The following SCPEP1 variants were observed in gnomAD, a reference collection of about 807,000 sequenced individuals.
SCPEP1 encodes the protein retinoid-inducible serine carboxypeptidase.
SCPEP1 carries 51 observed loss-of-function variants against 63.8 expected under a neutral mutation model. The ratio of observed to expected loss-of-function variants is 0.80; its 90% confidence interval spans 0.64 to 1.01. The LOEUF (loss-of-function observed/expected upper bound fraction) is 1.01. Among genes scored for constraint, SCPEP1 ranks in the 50% least tolerant of loss-of-function variants. SCPEP1 has a pLI of 0.00. For missense variants in SCPEP1, 499 were observed against 554.9 expected (o/e 0.90, Z 1.01); for synonymous variants, 204 against 207.8 (o/e 0.98, Z 0.16).
chr17:56,979,512 G>C (rs1277620125), intron 1 of SCPEP1, among the ~76,000 whole-genome samples: 1 of 150,544 alleles, frequency 6.6e-6, no homozygotes, highest in East Asian at 1.9e-4. Context: ...AAAAAAAAAA[G>C]ATGCTATAAC....
intron 12 of SCPEP1, among the ~76,000 whole-genome samples, chr17:57,004,900 C>A (rs1567871384): frequency 6.6e-6 from 1 of 152,174 alleles, no homozygotes; most frequent in Non-Finnish European, 1.5e-5. Flanking sequence ...ATAAGTACTT[C>A]ACAGTAAGAA....
intron 1 of SCPEP1, among the ~76,000 whole-genome samples, chr17:56,978,927 G>T (rs1457183673): frequency 1.3e-5 from 2 of 152,140 alleles, no homozygotes; most frequent in African/African-American, 4.8e-5. Flanking sequence ...AAAATAAGTA[G>T]CTCTGCCAAT....
intron 6 of SCPEP1, among the ~76,000 whole-genome samples, chr17:56,993,999 G>A (rs115772372): frequency 2.9e-4 from 44 of 152,314 alleles, no homozygotes; most frequent in African/African-American, 9.6e-4. Flanking sequence ...GCTAGGCCAC[G>A]GAAGTCCTGG....
At chr17:56,979,658 AAC>A (rs1163079603) in intron 1 of SCPEP1, among the ~76,000 whole-genome samples, 9 of 152,240 alleles carry the variant, frequency 5.9e-5, no homozygotes, top group African/African-American at 2.2e-4. Flanking sequence ...ACGTATATTA[AAC>A]ACACATACAC....
chr17:56,989,673 G>A (rs1041547432), intron 5 of SCPEP1, among the ~76,000 whole-genome samples: 5 of 152,150 alleles, frequency 3.3e-5, no homozygotes, highest in East Asian at 3.9e-4. Flanking sequence ...CCAGGCGGGC[G>A]CGGTGGCTCA....
intron 8 of SCPEP1, 99 bp downstream of exon 8, chr17:56,995,734 C>T: frequency 7.8e-7 from 1 of 1,290,258 alleles, no homozygotes; most frequent in Non-Finnish European, 1.1e-6. Flanking sequence ...TACACTGAGG[C>T]TCCCCACATA....
chr17:56,996,496 C>T (rs576664698), intron 8 of SCPEP1, among the ~76,000 whole-genome samples: 4 of 150,016 alleles, frequency 2.7e-5, no homozygotes, highest in Non-Finnish European at 5.9e-5. Flanking sequence ...TGAGCCACCG[C>T]GCCTGGCCTC....
At chr17:56,980,788 C>CAAAAAAAAAAAAAAAAAAA in intron 1 of SCPEP1, among the ~76,000 whole-genome samples, 1 of 77,140 alleles carries the variant, frequency 1.3e-5, no homozygotes, top group Non-Finnish European at 2.5e-5. Flanking sequence ...GACTTCGTAT[C>CAAAAAAAAAAAAAAAAAAA]AAAAAAAAAA....
At chr17:57,005,850 G>GAACA (rs1467398663) in intron 12 of SCPEP1, among the ~76,000 whole-genome samples, 8 of 152,074 alleles carry the variant, frequency 5.3e-5, no homozygotes, top group Admixed American at 4.6e-4. Flanking sequence ...CTTCTTCCTT[G>GAACA]AACAGGCTAG....
intron 3 of SCPEP1, among the ~76,000 whole-genome samples, chr17:56,986,342 C>T (rs1170964662): frequency 6.6e-6 from 1 of 152,038 alleles, no homozygotes; most frequent in Admixed American, 6.5e-5. Flanking sequence ...GCCTCAGCCT[C>T]CCGAGTAGCT....
chr17:57,004,187 C>T (rs1417583044), intron 12 of SCPEP1, among the ~76,000 whole-genome samples: 1 of 152,214 alleles, frequency 6.6e-6, no homozygotes, highest in East Asian at 1.9e-4. Context: ...GATAGCGCCA[C>T]TGCACTCCAG....
intron 2 of SCPEP1, chr17:56,983,259 G>A (rs1911119401): frequency 2.6e-5 from 4 of 152,576 alleles, no homozygotes; most frequent in Admixed American, 2.6e-4. Flanking sequence ...AGAGGAGAGG[G>A]AGAGGTCATC....
At chr17:56,983,913 T>C (rs1467324429) in intron 2 of SCPEP1, 2 of 152,166 alleles carry the variant, frequency 1.3e-5, no homozygotes, top group African/African-American at 2.4e-5. Flanking sequence ...ATCTTTTTTT[T>C]CTTTTTCTTT....
At chr17:56,986,132 C>T (rs966557876) in intron 3 of SCPEP1, among the ~76,000 whole-genome samples, 5 of 152,202 alleles carry the variant, frequency 3.3e-5, no homozygotes, top group Non-Finnish European at 7.4e-5. Context: ...CCCACTCTCC[C>T]GGCTGCACCT....
chr17:56,984,187 G>C (rs184182016), intron 2 of SCPEP1: 1 of 152,616 alleles, frequency 6.6e-6, no homozygotes, highest in East Asian at 1.9e-4. Flanking sequence ...CAAAGTGCTG[G>C]GATTACAGGC....
intron 12 of SCPEP1, among the ~76,000 whole-genome samples, chr17:57,004,856 C>T (rs549654219): frequency 1.3e-5 from 2 of 152,232 alleles, no homozygotes; most frequent in South Asian, 2.1e-4. Flanking sequence ...TATATGCTGC[C>T]GATAAGCAAT....
chr17:56,995,018 G>A lies in SCPEP1; in HGVS notation c.657G>A (p.Met219Ile), dbSNP rs1264826861. The change falls in exon 7 of 13, where the codon ATG becomes ATA. Residue 219 changes from methionine (M) to isoleucine (I), a missense_variant and splice_region_variant. Transcript: ENST00000262288. ...VLSWGPYLYS[M>I]SLLEDKGLAE... ...CCTGGGGACCTTACCTGTACAGCATGGTAAGTAGATACACATCTGCACCCT... is the reference window on the plus strand; with the variant it reads ...CCTGGGGACCTTACCTGTACAGCATAGTAAGTAGATACACATCTGCACCCT... 24 of 1,612,740 alleles carry A rather than the reference G, an allele frequency of 1.5e-5. No homozygotes were observed. Among genetic ancestry groups the A allele is most frequent in the Non-Finnish European group, 2.0e-5 (23 of 1,178,926 alleles).
At chr17:56,999,144 A>C (rs747846757) in intron 10 of SCPEP1, among the ~76,000 whole-genome samples, 1 of 152,174 alleles carries the variant, frequency 6.6e-6, no homozygotes, top group Non-Finnish European at 1.5e-5. Flanking sequence ...AAATTAAGAT[A>C]AAAAAGCTAC....
chr17:56,987,651 C>A, intron 3 of SCPEP1, 44 bp from the exon 4 acceptor site: 2 of 1,592,048 alleles, frequency 1.3e-6, no homozygotes, highest in Non-Finnish European at 8.6e-7. Context: ...GATTGGTGAC[C>A]AAATGTCTGA....
Sources: gnomAD v4.1 joint callset for allele counts (sites outside exome capture counted in the v4.1 genomes callset) on GRCh38, gnomAD v4.1.1 for gene constraint, MANE v1.5 for transcripts, NCBI Gene and HGNC (gene_info 2026-07-23, HGNC 2026-07-21) for gene names.